UGT1A7: variants seen among roughly 807,000 people sequenced by gnomAD.
The protein encoded by UGT1A7 is UDP glucuronosyltransferase family 1 member A7.
UGT1A7 carries 33 observed loss-of-function variants against 45.6 expected under a neutral mutation model. The ratio of observed to expected loss-of-function variants is 0.72; its 90% CI spans 0.55 to 0.97. The LOEUF (loss-of-function observed/expected upper bound fraction) is 0.97. Among genes scored for constraint, UGT1A7 ranks in the 50% least tolerant of loss-of-function variants. UGT1A7 has a pLI of 0.00. For missense variants in UGT1A7, 684 were observed against 666.2 expected (o/e 1.03, Z -0.29); for synonymous variants, 274 against 250.6 (o/e 1.09, Z -0.88).
intron 1 of UGT1A7, chr2:233,718,616 C>T (rs573810131): frequency 3.5e-5 from 30 of 858,718 alleles, no homozygotes; most frequent in Admixed American, 3.1e-4. Context: ...TCAAGATAGG[C>T]GTGATTGGTC....
At chr2:233,694,587 A>G (rs2075228279) in intron 1 of UGT1A7, among the ~76,000 whole-genome samples, 1 of 152,196 alleles carries the variant, frequency 6.6e-6, no homozygotes, top group African/African-American at 2.4e-5. Context: ...AATATTTACA[A>G]CTTTGAAGGG....
chr2:233,765,728 A>C (rs1698929525), intron 1 of UGT1A7, among the ~76,000 whole-genome samples: 1 of 151,098 alleles, frequency 6.6e-6, no homozygotes, highest in Admixed American at 6.6e-5. Flanking sequence ...TAATAATAAT[A>C]ATAAATAAAC....
intron 1 of UGT1A7, among the ~76,000 whole-genome samples, chr2:233,698,291 T>A (rs1387346717): frequency 6.6e-6 from 1 of 152,168 alleles, no homozygotes; most frequent in East Asian, 1.9e-4. Flanking sequence ...TGAAAAAAAA[T>A]GTGTCTTTGG....
At position 233,747,671 on chromosome 2, in the gene UGT1A7, A is replaced by C. The variant is rs1693745926; in HGVS notation, c.856-19363A>C. On this transcript the variant is annotated intron_variant, in intron 1 of 4. Coordinates refer to ENST00000373426, the MANE Select transcript of UGT1A7 (RefSeq NM_019077.3). ...CCTTCGATGTGGTTTTAATAGACCCAATTTACCTCTGTGGGGCAGTGCTGG... is the reference window on the plus strand; with the variant it reads ...CCTTCGATGTGGTTTTAATAGACCCCATTTACCTCTGTGGGGCAGTGCTGG... 13 of 1,604,740 alleles carry C rather than the reference A, an allele frequency of 8.1e-6. No homozygotes were observed. In the South Asian group the frequency reaches 1.4e-4, roughly 18 times the overall value.
chr2:233,747,611 T>C (rs529621956), intron 1 of UGT1A7: 1 of 1,574,810 alleles, frequency 6.3e-7, no homozygotes, highest in African/African-American at 1.4e-5. Flanking sequence ...AGCTACTGCA[T>C]AATGAGGCCC....
At chr2:233,762,024 A>AT (rs967311965) in intron 1 of UGT1A7, among the ~76,000 whole-genome samples, 3 of 151,856 alleles carry the variant, frequency 2.0e-5, no homozygotes, top group African/African-American at 4.8e-5. Context: ...TTTGTATTTT[A>AT]TTTTTTTTAA....
At chr2:233,758,929 A>C (rs1287701238) in intron 1 of UGT1A7, among the ~76,000 whole-genome samples, 2 of 152,152 alleles carry the variant, frequency 1.3e-5, no homozygotes, top group Non-Finnish European at 2.9e-5. Context: ...TTCCCTTTTG[A>C]CTTCAAATCA....
chr2:233,709,152 T>G (rs78253521), intron 1 of UGT1A7, among the ~76,000 whole-genome samples: 3,273 of 152,190 alleles, frequency 0.022, 115 homozygotes, highest in African/African-American at 0.075. Context: ...TGCTGATTGG[T>G]TGAGGCCTAG....
Position 233,747,361 on chromosome 2 carries a change from A to T in UGT1A7, c.856-19673A>T, listed in dbSNP as rs1260496106. 17 of 1,603,206 alleles carry T rather than the reference A, an allele frequency of 1.1e-5. No individual in the cohort carries two copies. In the African/African-American group the frequency reaches 1.9e-4, roughly 18 times the overall value. On this transcript the variant is annotated intron_variant, in intron 1 of 4. Coordinates refer to ENST00000373426, the MANE Select transcript of UGT1A7 (RefSeq NM_019077.3). Reference sequence around the variant, plus strand: ...GCTCGCATGCGGGAGGCCGTGCGGGAGCTCCATGCCAGAGGCCACCAGGCG... The same window carrying T: ...GCTCGCATGCGGGAGGCCGTGCGGGTGCTCCATGCCAGAGGCCACCAGGCG...
At chr2:233,725,013 C>T (rs2077345814) in intron 1 of UGT1A7, among the ~76,000 whole-genome samples, 2 of 148,174 alleles carry the variant, frequency 1.3e-5, no homozygotes, top group Admixed American at 1.4e-4. Flanking sequence ...CCCGGCCAAA[C>T]AGCAAAACCC....
At chr2:233,713,830 A>G (rs1248419431) in intron 1 of UGT1A7, 3 of 1,613,954 alleles carry the variant, frequency 1.9e-6, no homozygotes, top group African/African-American at 1.3e-5. Context: ...GGGGGCATCA[A>G]CTGTGCCAAC....
At position 233,773,283 on chromosome 2, in the gene UGT1A7, A is replaced by G. The variant is rs1700573632; in HGVS notation, c.*724A>G. 6.6e-6 allele frequency: 1 copy of G among 152,180 alleles called. No homozygotes were observed. The highest frequency in any genetic ancestry group is 1.5e-5 in the Non-Finnish European group (1 of 68,034). 9.4% of individuals were successfully genotyped at this position (152,180 alleles called of 1,614,324 possible). Reference sequence around the variant, plus strand: ...TTCCTACAACTAAAAATAAATTAATAAATTTATATAAATTCTATTTAAGTG... The same window carrying G: ...TTCCTACAACTAAAAATAAATTAATGAATTTATATAAATTCTATTTAAGTG... On this transcript the variant is annotated 3_prime_UTR_variant, in exon 5 of 5. Coordinates refer to ENST00000373426, the MANE Select transcript of UGT1A7 (RefSeq NM_019077.3).
At chr2:233,712,199 C>G (rs923606467) in intron 1 of UGT1A7, among the ~76,000 whole-genome samples, 3 of 152,228 alleles carry the variant, frequency 2.0e-5, no homozygotes, top group Non-Finnish European at 2.9e-5. Context: ...CCCCCGGTCC[C>G]TTGGTGAGCA....
At chr2:233,710,850 T>C (rs924657969) in intron 1 of UGT1A7, among the ~76,000 whole-genome samples, 5 of 152,176 alleles carry the variant, frequency 3.3e-5, no homozygotes, top group African/African-American at 1.2e-4. Flanking sequence ...GGAGGATTTG[T>C]TTCTATGTTT....
chr2:233,713,232 G>A lies in UGT1A7; in HGVS notation c.855+30440G>A, dbSNP rs1482258510. On this transcript the variant is annotated intron_variant, in intron 1 of 4. Coordinates refer to ENST00000373426, the MANE Select transcript of UGT1A7 (RefSeq NM_019077.3). Reference sequence around the variant, plus strand: ...GAACTTTTTCACCCTGACAACGTATGCCATTTCATGGACCCAGGACGAATT... The same window carrying A: ...GAACTTTTTCACCCTGACAACGTATACCATTTCATGGACCCAGGACGAATT... 12 of 1,614,154 alleles carry A rather than the reference G, an allele frequency of 7.4e-6. No homozygotes were observed. The highest frequency in any genetic ancestry group is 9.3e-6 in the Non-Finnish European group (11 of 1,180,054).
At chr2:233,734,977 G>T (rs2078594249) in intron 1 of UGT1A7, among the ~76,000 whole-genome samples, 1 of 152,188 alleles carries the variant, frequency 6.6e-6, no homozygotes, top group Non-Finnish European at 1.5e-5. Context: ...GTGCTGAGAA[G>T]AATGTATATT....
At chr2:233,703,467 T>G (rs1299395084) in intron 1 of UGT1A7, among the ~76,000 whole-genome samples, 1 of 152,154 alleles carries the variant, frequency 6.6e-6, no homozygotes, top group African/African-American at 2.4e-5. Flanking sequence ...CTATTCTTTA[T>G]TATTTTCTGC....
In UGT1A7 at chr2:233,736,220, T is replaced by C. The variant is rs542508391; in HGVS notation, c.856-30814T>C. On this transcript the variant is annotated intron_variant, in intron 1 of 4. Coordinates refer to ENST00000373426, the MANE Select transcript of UGT1A7 (RefSeq NM_019077.3). ...GGCTTTCCTTGTTTCTTTTTACTCT[T>C]TTTTCTCTAACCTTGTCTTCTCACT... is the stretch of plus-strand genomic sequence containing the variant. Among the ~76,000 whole-genome samples the C allele has an allele frequency of 2.6e-5, 4 of 152,348 alleles. No homozygotes were observed. The East Asian group carries it at 7.7e-4, about 29-fold the overall frequency.
chr2:233,772,304 C>G lies in UGT1A7; in HGVS notation c.1338C>G (p.Asp446Glu), dbSNP rs1165346261. The change falls in exon 5 of 5, where the codon GAC becomes GAG. Residue 446 changes from aspartate to glutamate, a missense_variant. Transcript: ENST00000373426. The part of the protein sequence containing the change: ...NIMRLSSLHK[D>E]RPVEPLDLAV... ...TGCGCCTCTCCAGCCTTCACAAGGA[C>G]CGCCCGGTGGAGCCGCTGGACCTGG... The G allele has an allele frequency of 6.2e-7, 1 of 1,614,230 alleles. No homozygotes were observed. The highest frequency in any genetic ancestry group is 2.2e-5 in the East Asian group (1 of 44,884).
Sources: allele counts gnomAD v4.1 joint callset (sites outside exome capture counted in the v4.1 genomes callset), GRCh38; gene constraint gnomAD v4.1.1; transcripts MANE v1.5; gene names NCBI Gene and HGNC (gene_info 2026-07-23, HGNC 2026-07-21).